Variants in TEK observed in about 807,000 individuals in gnomAD.
The protein encoded by TEK is angiopoietin-1 receptor.
Under a neutral mutation model 131.8 loss-of-function variants are expected in TEK, and 43 were observed. The ratio of observed to expected loss-of-function variants is 0.33; its 90% CI spans 0.26 to 0.42. The LOEUF (loss-of-function observed/expected upper bound fraction) is 0.42, where lower values mean the gene tolerates loss of function less well. TEK is among the 10% of genes least tolerant of loss of function. TEK has a pLI of 1.00. For missense variants in TEK, 1,162 were observed against 1,384.4 expected, an observed-to-expected ratio of 0.84 and a Z score of 2.55; for synonymous variants, 580 against 491.6, an observed-to-expected ratio of 1.18 and a Z score of -2.38.
intron 1 of TEK, among the ~76,000 whole-genome samples, chr9:27,156,880 G>C (rs1308998593): frequency 1.3e-5 from 2 of 151,732 alleles, no homozygotes; most frequent in African/African-American, 4.8e-5. Context: ...ACCATCACTG[G>C]AGCTAGAGAA....
chr9:27,160,709 T>C (rs187660078), intron 2 of TEK, among the ~76,000 whole-genome samples: 3 of 152,346 alleles, frequency 2.0e-5, no homozygotes, highest in African/African-American at 4.8e-5. Context: ...ATAAAATTGC[T>C]GTTCATTCCA....
At chr9:27,131,853 G>T (rs1429547700) in intron 1 of TEK, among the ~76,000 whole-genome samples, 3 of 151,982 alleles carry the variant, frequency 2.0e-5, no homozygotes, top group Middle Eastern at 6.8e-3. Context: ...GTTTGTTTCT[G>T]TAGTTTCCCC....
At chr9:27,183,310 T>A (rs1198550721) in intron 7 of TEK, 149 bp from the exon 8 acceptor site, 1 of 841,712 alleles carries the variant, frequency 1.2e-6, no homozygotes, top group Non-Finnish European at 2.0e-6. Context: ...ATCATCCACA[T>A]CACAGGTGTC....
chr9:27,149,617 T>C (rs539457264), intron 1 of TEK, among the ~76,000 whole-genome samples: 4 of 152,326 alleles, frequency 2.6e-5, no homozygotes, highest in African/African-American at 7.2e-5. Context: ...CCGTGAATTG[T>C]CACTTTGAGC....
rs1111782 is a variant in TEK, at chr9:27,212,968, T to C, written c.2877+71T>C. 532,150 of 1,522,504 alleles carry C rather than the reference T, an allele frequency of 0.35. 97,348 individuals carry two copies. Among genetic ancestry groups the C allele is most frequent in the East Asian group, 0.59 (25,408 of 43,212 alleles). The allele number at this position is 1,522,504 out of a possible 1,614,324, so 94.3% of individuals were successfully genotyped here. ...CCTCTAAAGTCAGTTTCAATATGTT[T>C]GTAGGGTCTGTCAACCTCTCTTCTT... On this transcript the variant is annotated intron_variant, in intron 17 of 22. Coordinates refer to ENST00000380036, the MANE Select transcript of TEK (RefSeq NM_000459.5).
chr9:27,206,817 A>G, intron 15 of TEK, 25 bp downstream of exon 15: 1 of 1,610,442 alleles, frequency 6.2e-7, no homozygotes, highest in Non-Finnish European at 8.5e-7. Context: ...AGATAGAGTC[A>G]GCATTGCGTG....
chr9:27,180,099 T>G, intron 6 of TEK, 141 bp from the exon 7 acceptor site: 1 of 1,234,898 alleles, frequency 8.1e-7, no homozygotes, highest in Non-Finnish European at 1.2e-6. Context: ...AAGTTCCTGG[T>G]AATTCAGATA....
intron 19 of TEK, among the ~76,000 whole-genome samples, chr9:27,218,532 C>A (rs1189473732): frequency 4.6e-5 from 7 of 152,062 alleles, no homozygotes; most frequent in Non-Finnish European, 1.0e-4. Flanking sequence ...TGGACAGTAC[C>A]ACCTTGTAGT....
intron 2 of TEK, among the ~76,000 whole-genome samples, chr9:27,164,420 C>T (rs896085709): frequency 6.0e-5 from 9 of 151,242 alleles, no homozygotes; most frequent in African/African-American, 1.5e-4. Context: ...CCTGGGTTCA[C>T]GCCATTCTCC....
At chr9:27,173,023 G>A (rs1587549480) in intron 5 of TEK, among the ~76,000 whole-genome samples, 199 bp from the exon 6 acceptor site, 1 of 152,120 alleles carries the variant, frequency 6.6e-6, no homozygotes, top group East Asian at 1.9e-4. Context: ...GATTGTGAGT[G>A]ATGTCCCTGA....
chr9:27,110,497 T>C (rs1234724117), intron 1 of TEK, among the ~76,000 whole-genome samples: 1 of 152,182 alleles, frequency 6.6e-6, no homozygotes, highest in Non-Finnish European at 1.5e-5. Context: ...CAAATACATT[T>C]ATCATTGCCA....
Position 27,185,532 on chromosome 9 carries a change from C to T in TEK, c.1230C>T (p.Thr410=). 1 of 1,613,796 alleles carries T rather than the reference C, an allele frequency of 6.2e-7. No individual in the cohort carries two copies. The highest frequency in any genetic ancestry group is 2.2e-5 in the East Asian group (1 of 44,874). ...ATCATTTCTCAGTAGCCATATTCAC[C>T]ATCCACCGGATCCTCCCCCCTGACT... ...HTDHFSVAIF[T]IHRILPPDSG... is the part of the protein sequence containing the mutation. Residue 410 remains threonine, a synonymous_variant, in exon 9 of 23, where the codon ACC becomes ACT. Coordinates refer to ENST00000380036, the MANE Select transcript of TEK (RefSeq NM_000459.5).
intron 1 of TEK, among the ~76,000 whole-genome samples, chr9:27,120,711 A>C (rs1821752894): frequency 6.6e-6 from 1 of 152,222 alleles, no homozygotes; most frequent in Non-Finnish European, 1.5e-5. Flanking sequence ...CTAGCAGGTT[A>C]CCATAGGTGA....
chr9:27,189,688 G>A (rs942988349), intron 9 of TEK, among the ~76,000 whole-genome samples: 2 of 152,134 alleles, frequency 1.3e-5, no homozygotes, highest in Non-Finnish European at 2.9e-5. Context: ...TTGAGCCAAG[G>A]AATGCAGGCA....
intron 19 of TEK, among the ~76,000 whole-genome samples, chr9:27,218,041 C>T (rs1288382904): frequency 2.0e-5 from 3 of 151,564 alleles, no homozygotes; most frequent in African/African-American, 7.3e-5. Flanking sequence ...GAAGAAGGGA[C>T]ATACCGGCCT....
intron 7 of TEK, 160 bp downstream of exon 7, chr9:27,180,528 T>G (rs1422681535): frequency 8.9e-7 from 1 of 1,118,832 alleles, no homozygotes; most frequent in South Asian, 1.3e-5. Flanking sequence ...CACAGCATTT[T>G]AATTCTGCTC....
At chr9:27,171,507 A>G (rs71510421) in intron 4 of TEK, among the ~76,000 whole-genome samples, 8 of 152,214 alleles carry the variant, frequency 5.3e-5, no homozygotes, top group African/African-American at 1.7e-4. Context: ...TTGAAAAATG[A>G]CAATAGAAGT....
chr9:27,218,632 C>G (rs947410084), intron 19 of TEK, 145 bp from the exon 20 acceptor site: 2 of 794,126 alleles, frequency 2.5e-6, no homozygotes, highest in Non-Finnish European at 4.4e-6. Flanking sequence ...GAGAAACCTA[C>G]ACTGTGTGCA....
At chr9:27,215,558 G>T (rs1825793030) in intron 18 of TEK, among the ~76,000 whole-genome samples, 1 of 66,724 alleles carries the variant, frequency 1.5e-5, no homozygotes, top group Non-Finnish European at 2.7e-5. Flanking sequence ...CCCTGCATTA[G>T]GGTTTTTTTT....
Sources: gnomAD v4.1 joint callset for allele counts (sites outside exome capture counted in the v4.1 genomes callset) on GRCh38, gnomAD v4.1.1 for gene constraint, MANE v1.5 for transcripts, NCBI Gene and HGNC (gene_info 2026-07-23, HGNC 2026-07-21) for gene names.